Variants in FSHR observed in about 807,000 individuals in gnomAD.
The protein encoded by FSHR is follicle-stimulating hormone receptor.
In FSHR, 46 loss-of-function variants were observed where a neutral mutation model predicts 52.1. The ratio of observed to expected loss-of-function variants is 0.88; its 90% CI spans 0.70 to 1.13. The LOEUF (loss-of-function observed/expected upper bound fraction) is 1.13, where lower values mean the gene tolerates loss of function less well. FSHR is among the 50% of genes most tolerant of loss of function. The pLI, the probability that FSHR is intolerant of heterozygous loss-of-function variation, is 0.00. For missense variants in FSHR, 964 were observed against 834.6 expected (o/e 1.16, Z -1.91); for synonymous variants, 399 against 309.6 (o/e 1.29, Z -3.03).
At chr2:49,085,371 A>C (rs1670338495) in intron 1 of FSHR, among the ~76,000 whole-genome samples, 1 of 152,236 alleles carries the variant, frequency 6.6e-6, no homozygotes, top group Admixed American at 6.5e-5. Context: ...ATCTATGACA[A>C]ACCCACAGCC....
intron 1 of FSHR, among the ~76,000 whole-genome samples, chr2:49,091,320 T>C (rs2103690978): frequency 6.6e-6 from 1 of 152,298 alleles, no homozygotes; most frequent in Middle Eastern, 3.4e-3. Context: ...AAAAAAATTT[T>C]TGAGACATGG....
intron 1 of FSHR, among the ~76,000 whole-genome samples, chr2:49,124,170 T>C (rs1671919047): frequency 6.6e-6 from 1 of 151,490 alleles, no homozygotes; most frequent in African/African-American, 2.4e-5. Context: ...TTTTTTTTTT[T>C]TTTTTAAGTA....
At chr2:48,995,512 A>G (rs1447325012) in intron 4 of FSHR, among the ~76,000 whole-genome samples, 1 of 152,162 alleles carries the variant, frequency 6.6e-6, no homozygotes, top group African/African-American at 2.4e-5. Context: ...AATGAAATTA[A>G]AAGGCAGGGA....
intron 1 of FSHR, among the ~76,000 whole-genome samples, chr2:49,139,126 T>G (rs1376240584): frequency 6.6e-6 from 1 of 152,214 alleles, no homozygotes; most frequent in Non-Finnish European, 1.5e-5. Context: ...ATATACTGTC[T>G]CAAGCTCATC....
At chr2:49,095,964 T>C (rs1185713407) in intron 1 of FSHR, among the ~76,000 whole-genome samples, 1 of 152,136 alleles carries the variant, frequency 6.6e-6, no homozygotes, top group Non-Finnish European at 1.5e-5. Context: ...AGACAGACAA[T>C]ATTAAGTGTT....
chr2:49,033,777 T>C (rs772419578), intron 2 of FSHR, among the ~76,000 whole-genome samples: 1 of 151,984 alleles, frequency 6.6e-6, no homozygotes, highest in East Asian at 2.0e-4. Context: ...AAAGTCTGTT[T>C]GGAGGGGAGG....
At chr2:49,127,895 C>CTTT (rs750861663) in intron 1 of FSHR, among the ~76,000 whole-genome samples, 4 of 22,208 alleles carry the variant, frequency 1.8e-4, no homozygotes, top group Non-Finnish European at 1.5e-4. Context: ...TCTTCTTCTT[C>CTTT]TTCTTTTTTT....
At chr2:49,008,993 T>C (rs1471643326) in intron 4 of FSHR, among the ~76,000 whole-genome samples, 1 of 151,684 alleles carries the variant, frequency 6.6e-6, no homozygotes, top group African/African-American at 2.4e-5. Context: ...TTCCCTCTGA[T>C]GGTAGTTTCT....
intron 4 of FSHR, among the ~76,000 whole-genome samples, chr2:49,008,943 G>A (rs1667168973): frequency 1.3e-5 from 2 of 152,100 alleles, no homozygotes; most frequent in Admixed American, 6.6e-5. Context: ...TGTCAGATAA[G>A]TAGGTTGCGA....
At chr2:49,003,722 T>C (rs1666987431) in intron 4 of FSHR, among the ~76,000 whole-genome samples, 1 of 151,602 alleles carries the variant, frequency 6.6e-6, no homozygotes, top group Admixed American at 6.6e-5. Flanking sequence ...AAAGAAAAAA[T>C]GAATAATCCT....
intron 2 of FSHR, among the ~76,000 whole-genome samples, chr2:49,022,219 C>T (rs1001637403): frequency 1.3e-5 from 2 of 151,894 alleles, no homozygotes; most frequent in East Asian, 1.9e-4. Flanking sequence ...ATGTCCTTGC[C>T]GAAGTTCACA....
At chr2:49,065,436 G>A (rs1343639797) in intron 2 of FSHR, among the ~76,000 whole-genome samples, 1 of 152,084 alleles carries the variant, frequency 6.6e-6, no homozygotes. Flanking sequence ...GACTGGAGGA[G>A]CACCTTGGCA....
In FSHR at chr2:48,986,254, A is replaced by G. The variant is rs192060835; in HGVS notation, c.524+2723T>C. Reference sequence around the variant, plus strand: ...TTTCTGTCCCTGTGTTAGTTTGCTTAGAATATTGGCCTCCAGCTCTATCCA... The same window carrying G: ...TTTCTGTCCCTGTGTTAGTTTGCTTGGAATATTGGCCTCCAGCTCTATCCA... On this transcript the variant is annotated intron_variant, in intron 6 of 9. Transcript: ENST00000406846. Among the ~76,000 whole-genome samples, 219 of 152,306 alleles carry G rather than the reference A, an allele frequency of 1.4e-3. 1 individual carries two copies. Among genetic ancestry groups the G allele is most frequent in the African/African-American group, 5.1e-3 (212 of 41,566 alleles).
chr2:49,127,626 C>T lies in FSHR; in HGVS notation c.152+26640G>A, dbSNP rs377532664. 4.6e-5 allele frequency among the ~76,000 whole-genome samples: 7 copies of T among 152,074 alleles called. No homozygotes were observed. The East Asian group carries it at 9.7e-4, about 21-fold the overall frequency. On this transcript the variant is annotated intron_variant, in intron 1 of 9. Transcript: ENST00000406846. ...GTCTACTGACATCCGCACGATGAAG[C>T]TTTCCTTCTCTGATACACACTCTCA...
chr2:49,109,724 T>C (rs1483444700), intron 1 of FSHR, among the ~76,000 whole-genome samples: 1 of 152,136 alleles, frequency 6.6e-6, no homozygotes, highest in Non-Finnish European at 1.5e-5. Flanking sequence ...CTAAAAATCT[T>C]CTCCAGTATC....
chr2:48,997,681 A>G (rs1416544770), intron 4 of FSHR, among the ~76,000 whole-genome samples: 2 of 152,116 alleles, frequency 1.3e-5, no homozygotes, highest in Admixed American at 6.6e-5. Context: ...AGGAATTGTT[A>G]CTGCTGTGGT....
intron 8 of FSHR, among the ~76,000 whole-genome samples, chr2:48,971,875 T>C (rs527425285): frequency 1.3e-5 from 2 of 152,344 alleles, no homozygotes; most frequent in African/African-American, 4.8e-5. Context: ...TCTTATTTGC[T>C]GGTTCCTCCA....
Position 49,012,237 on chromosome 2 carries a change from A to G in FSHR, c.374+5252T>C, listed in dbSNP as rs941900462. ...GCAAAGGCAAGAAAATATTGTGTAA[A>G]CCTTATTTACAGATCAATAGACAAT... On this transcript the variant is annotated intron_variant, in intron 4 of 9. Coordinates refer to ENST00000406846, the MANE Select transcript of FSHR (RefSeq NM_000145.4). 3.9e-5 allele frequency among the ~76,000 whole-genome samples: 6 copies of G among 152,098 alleles called. 1 individual carries two copies. The East Asian group carries it at 1.2e-3, about 29-fold the overall frequency.
intron 2 of FSHR, among the ~76,000 whole-genome samples, chr2:49,021,884 T>TAGAGAGAGAGAGAG (rs1221533451): frequency 2.7e-5 from 1 of 36,568 alleles, no homozygotes; most frequent in African/African-American, 9.7e-5. Context: ...TATATATATA[T>TAGAGAGAGAGAGAG]ATAGAGAGAG....
Sources: gnomAD v4.1 joint callset for allele counts (sites outside exome capture counted in the v4.1 genomes callset) on GRCh38, gnomAD v4.1.1 for gene constraint, MANE v1.5 for transcripts, NCBI Gene and HGNC (gene_info 2026-07-23, HGNC 2026-07-21) for gene names.